Variants in ME3 observed in about 807,000 individuals in gnomAD.
ME3 encodes the protein NADP-dependent malic enzyme, mitochondrial.
ME3 carries 48 observed loss-of-function variants against 68.9 expected under a neutral mutation model. The observed-to-expected ratio is 0.70, with a 90% CI of 0.55 to 0.89. ME3 has a LOEUF of 0.89. ME3 is among the 40% of genes least tolerant of loss of function. The pLI is 0.00. For synonymous variants in ME3, 320 were observed against 318.8 expected, an observed-to-expected ratio of 1.00 and a Z score of -0.04; for missense variants, 675 against 797.4, an observed-to-expected ratio of 0.85 and a Z score of 1.85.
chr11:86,491,520 A>T (rs1952010778), intron 6 of ME3, among the ~76,000 whole-genome samples: 1 of 152,208 alleles, frequency 6.6e-6, no homozygotes, highest in South Asian at 2.1e-4. Context: ...CTTTAGCAGG[A>T]GTGGAAATGG....
At chr11:86,668,919 G>A (rs1407919492) in intron 2 of ME3, among the ~76,000 whole-genome samples, 1 of 152,140 alleles carries the variant, frequency 6.6e-6, no homozygotes, top group Admixed American at 6.5e-5. Flanking sequence ...CCTTCTAACA[G>A]AAAAAAATCC....
intron 6 of ME3, among the ~76,000 whole-genome samples, chr11:86,496,203 T>C (rs1391784719): frequency 6.6e-6 from 1 of 152,038 alleles, no homozygotes; most frequent in East Asian, 1.9e-4. Flanking sequence ...GTCAGGAGTT[T>C]GAGACCAGCC....
chr11:86,532,627 T>C (rs957363489), intron 4 of ME3, among the ~76,000 whole-genome samples: 14 of 152,040 alleles, frequency 9.2e-5, no homozygotes, highest in African/African-American at 3.1e-4. Flanking sequence ...AACCCTTAGG[T>C]CAAAGAAGCA....
At chr11:86,478,750 A>G (rs606546) in intron 7 of ME3, among the ~76,000 whole-genome samples, 117,737 of 152,160 alleles carry the variant, frequency 0.77, 45,626 homozygotes, top group Non-Finnish European at 0.79. Flanking sequence ...TGTTTCCTCA[A>G]GTGGTTTACA....
At chr11:86,593,213 A>AGCGCGTGCCCTGGTTTG (rs1959158810) in intron 2 of ME3, among the ~76,000 whole-genome samples, 3 of 147,846 alleles carry the variant, frequency 2.0e-5, no homozygotes, top group African/African-American at 5.0e-5. Flanking sequence ...TCACATAGTA[A>AGCGCGTGCCCTGGTTTG]AAGTTAGCTA....
At chr11:86,503,258 G>A (rs1051395443) in intron 5 of ME3, among the ~76,000 whole-genome samples, 7 of 152,196 alleles carry the variant, frequency 4.6e-5, no homozygotes, top group Non-Finnish European at 7.3e-5. Context: ...GCATCATACC[G>A]CATGAGGTGG....
intron 2 of ME3, among the ~76,000 whole-genome samples, chr11:86,598,334 G>A (rs1017246716): frequency 6.6e-6 from 1 of 152,236 alleles, no homozygotes; most frequent in Admixed American, 6.5e-5. Context: ...CGCCCACGGA[G>A]TCTCGCTCAT....
At chr11:86,671,945 G>C in exon 2 of ME3, 1 of 1,414,578 alleles carries the variant, frequency 7.1e-7, no homozygotes, top group Non-Finnish European at 9.2e-7. Context: ...CGGCACCCAT[G>C]GTCCTTGGCA....
At chr11:86,598,152 T>C (rs1455852480) in intron 2 of ME3, among the ~76,000 whole-genome samples, 2 of 152,142 alleles carry the variant, frequency 1.3e-5, no homozygotes, top group Admixed American at 1.3e-4. Context: ...AGGCAGTGCC[T>C]CACTCGGGAA....
intron 2 of ME3, among the ~76,000 whole-genome samples, chr11:86,585,804 C>T (rs952647130): frequency 1.3e-5 from 2 of 151,966 alleles, no homozygotes; most frequent in Non-Finnish European, 2.9e-5. Context: ...TTGAGAAGCT[C>T]CAGCTTTTTA....
In ME3 at chr11:86,501,175, T is replaced by TATAATAATA. The variant is rs5793199; in HGVS notation, c.544-3060_544-3052dup. 6.2e-3 allele frequency among the ~76,000 whole-genome samples: 916 copies of TATAATAATA among 147,180 alleles called. 9 individuals carry two copies. The highest frequency in any genetic ancestry group is 0.02 in the African/African-American group (825 of 40,248). On this transcript the variant is annotated intron_variant, in intron 5 of 14. Coordinates refer to ENST00000543262, the Ensembl canonical transcript of ME3. ...GAGCTTCAATTCTCCATAAAATGCATATAATAATAATAATAATAATACTTA... is the reference window on the plus strand; with the variant it reads ...GAGCTTCAATTCTCCATAAAATGCATATAATAATAATAATAATAATAATAATAATACTTA...
At chr11:86,567,239 AAAGAAAGGAAGG>A (rs1288268687) in intron 2 of ME3, among the ~76,000 whole-genome samples, 5 of 110,642 alleles carry the variant, frequency 4.5e-5, no homozygotes, top group Non-Finnish European at 9.4e-5. Context: ...GAAAGAAAAG[AAAGAAAGGAAGG>A]AAGGAAGGAA....
chr11:86,634,502 G>C (rs1944212055), intron 2 of ME3, among the ~76,000 whole-genome samples: 3 of 152,190 alleles, frequency 2.0e-5, no homozygotes. Flanking sequence ...GCTTACCTGT[G>C]TCTCAGCAAA....
intron 2 of ME3, among the ~76,000 whole-genome samples, chr11:86,636,905 A>C (rs1210586965): frequency 6.6e-6 from 1 of 152,208 alleles, no homozygotes; most frequent in Non-Finnish European, 1.5e-5. Context: ...GGTAAGTAGC[A>C]GAGTAGGGTC....
At chr11:86,468,791 G>T (rs1208174595) in intron 7 of ME3, among the ~76,000 whole-genome samples, 5 of 151,940 alleles carry the variant, frequency 3.3e-5, no homozygotes, top group Non-Finnish European at 5.9e-5. Flanking sequence ...AACAACAATG[G>T]TAAAAAAAAT....
intron 8 of ME3, 30 bp from the exon 9 acceptor site, chr11:86,450,428 T>C: frequency 6.3e-7 from 1 of 1,578,980 alleles, no homozygotes; most frequent in Non-Finnish European, 8.7e-7. Flanking sequence ...GATCAACCTC[T>C]GGCCACAGGC....
intron 12 of ME3, 85 bp downstream of exon 12, chr11:86,446,980 G>A: frequency 6.7e-7 from 1 of 1,491,536 alleles, no homozygotes; most frequent in Non-Finnish European, 9.1e-7. Flanking sequence ...CAGCGATGTA[G>A]GAGTATTTTT....
At chr11:86,448,344 C>T in intron 10 of ME3, 89 bp from the exon 11 acceptor site, 1 of 946,044 alleles carries the variant, frequency 1.1e-6, no homozygotes, top group South Asian at 1.5e-5. Context: ...AGAGCGTTTC[C>T]TGCTGAGCCC....
At chr11:86,604,514 T>C (rs1347741959) in intron 2 of ME3, among the ~76,000 whole-genome samples, 1 of 152,214 alleles carries the variant, frequency 6.6e-6, no homozygotes, top group Admixed American at 6.5e-5. Context: ...TAACTGCTTG[T>C]TCTGTTGAGA....
Sources: gnomAD v4.1 joint callset for allele counts (sites outside exome capture counted in the v4.1 genomes callset) on GRCh38, gnomAD v4.1.1 for gene constraint, MANE v1.5 for transcripts, NCBI Gene and HGNC (gene_info 2026-07-23, HGNC 2026-07-21) for gene names.